Variants in EPM2A observed in about 807,000 individuals in gnomAD.
EPM2A encodes the protein laforin.
Under a neutral mutation model 26.5 loss-of-function variants are expected in EPM2A, and 21 were observed. That is an observed-to-expected ratio of 0.79 (90% CI 0.56 to 1.14). The LOEUF is 1.14. Among genes scored for constraint, EPM2A ranks in the 50% most tolerant of loss-of-function variants. The pLI, the probability that EPM2A is intolerant of heterozygous loss-of-function variation, is 0.00. For synonymous variants in EPM2A, 217 were observed against 177.6 expected, an observed-to-expected ratio of 1.22 and a Z score of -1.76; for missense variants, 458 against 440.8, an observed-to-expected ratio of 1.04 and a Z score of -0.35.
chr6:145,709,591 A>T (rs537380531), intron 1 of EPM2A, among the ~76,000 whole-genome samples: 1 of 152,314 alleles, frequency 6.6e-6, no homozygotes, highest in Admixed American at 6.5e-5. Context: ...TTTCTTTATA[A>T]ATTACCCAGT....
chr6:145,457,479 C>T (rs1446440560), intron 4 of EPM2A, among the ~76,000 whole-genome samples: 1 of 119,032 alleles, frequency 8.4e-6, no homozygotes, highest in Non-Finnish European at 1.7e-5. Context: ...GTGACTCTGT[C>T]TCAAAAAAAA....
intron 1 of EPM2A, among the ~76,000 whole-genome samples, chr6:145,722,287 T>G (rs1388866868): frequency 6.6e-6 from 1 of 152,136 alleles, no homozygotes; most frequent in Non-Finnish European, 1.5e-5. Flanking sequence ...ACACATTAAA[T>G]GAATATTTAT....
chr6:145,488,518 T>TGAGAGAGAGAGA (rs1434961412), intron 4 of EPM2A, among the ~76,000 whole-genome samples: 31 of 131,060 alleles, frequency 2.4e-4, no homozygotes, highest in African/African-American at 4.0e-4. Flanking sequence ...TGTGTGTGTG[T>TGAGAGAGAGAGA]GTGTGAGAGA....
chr6:145,642,817 A>T (rs373368907), intron 2 of EPM2A, among the ~76,000 whole-genome samples: 2 of 152,204 alleles, frequency 1.3e-5, no homozygotes, highest in African/African-American at 4.8e-5. Context: ...AAGAATATGG[A>T]ATGAGATAAA....
chr6:145,665,886 G>C (rs1046637968), intron 2 of EPM2A, among the ~76,000 whole-genome samples: 1 of 150,302 alleles, frequency 6.7e-6, no homozygotes, highest in Non-Finnish European at 1.5e-5. Flanking sequence ...ATGTAATCCA[G>C]CATATAAACA....
chr6:145,623,668 T>C (rs560792739), downstream of EPM2A, among the ~76,000 whole-genome samples: 50 of 152,294 alleles, frequency 3.3e-4, no homozygotes, highest in African/African-American at 1.1e-3. Context: ...CTGAGTTACA[T>C]TTTTATCAAA....
intron 4 of EPM2A, among the ~76,000 whole-genome samples, chr6:145,477,023 CT>C (rs1779551642): frequency 6.6e-6 from 1 of 151,382 alleles, no homozygotes; most frequent in Non-Finnish European, 1.5e-5. Context: ...TTCTTGAAAA[CT>C]TAAAGAAAAT....
At chr6:145,489,678 A>T in intron 4 of EPM2A, 2 of 1,367,622 alleles carry the variant, frequency 1.5e-6, no homozygotes, top group Non-Finnish European at 2.1e-6. Context: ...CTGCCTTTTC[A>T]GCTTCAGAAT....
chr6:145,481,362 G>A (rs943132050), intron 4 of EPM2A, among the ~76,000 whole-genome samples: 5 of 151,962 alleles, frequency 3.3e-5, no homozygotes, highest in Non-Finnish European at 5.9e-5. Context: ...AATTTATTCT[G>A]CCATACTGCC....
intron 1 of EPM2A, among the ~76,000 whole-genome samples, chr6:145,701,687 C>A (rs1179696471): frequency 6.6e-6 from 1 of 152,118 alleles, no homozygotes. Flanking sequence ...TGGAGAGAAA[C>A]AAATAATGGT....
intron 3 of EPM2A, chr6:145,634,651 T>C (rs1371151744): frequency 6.5e-6 from 1 of 153,056 alleles, no homozygotes; most frequent in Non-Finnish European, 1.5e-5. Context: ...CAAGCCACAT[T>C]GGTCTTTCAG....
chr6:145,433,598 G>T (rs560497518), intron 4 of EPM2A, among the ~76,000 whole-genome samples: 3 of 151,824 alleles, frequency 2.0e-5, no homozygotes, highest in Non-Finnish European at 4.4e-5. Context: ...TCTTTTTATA[G>T]TTTAAACCTC....
At chr6:145,591,183 A>G (rs1781268992) in intron 2 of EPM2A, among the ~76,000 whole-genome samples, 1 of 152,162 alleles carries the variant, frequency 6.6e-6, no homozygotes, top group Admixed American at 6.5e-5. Flanking sequence ...GAATAAAAAA[A>G]GAATAAGATG....
At chr6:145,418,883 T>G (rs1778743850) in intron 4 of EPM2A, among the ~76,000 whole-genome samples, 1 of 152,214 alleles carries the variant, frequency 6.6e-6, no homozygotes, top group Admixed American at 6.5e-5. Flanking sequence ...GTATGCTATG[T>G]AGTTAAAAAA....
At chr6:145,469,893 A>G (rs1779451215) in intron 4 of EPM2A, among the ~76,000 whole-genome samples, 1 of 152,178 alleles carries the variant, frequency 6.6e-6, no homozygotes, top group South Asian at 2.1e-4. Context: ...ACTTGAGATC[A>G]TTATGTTAAG....
At chr6:145,559,121 CT>C (rs1780771297) in intron 2 of EPM2A, among the ~76,000 whole-genome samples, 1 of 152,054 alleles carries the variant, frequency 6.6e-6, no homozygotes, top group Non-Finnish European at 1.5e-5. Flanking sequence ...TCATCAGTAA[CT>C]TTGTATAAAA....
chr6:145,462,936 A>G (rs926119016), intron 4 of EPM2A, among the ~76,000 whole-genome samples: 4 of 152,182 alleles, frequency 2.6e-5, no homozygotes, highest in Non-Finnish European at 4.4e-5. Flanking sequence ...TTTCTTTCCG[A>G]ATATTAAAAT....
intron 2 of EPM2A, among the ~76,000 whole-genome samples, chr6:145,619,512 T>C (rs1170784315): frequency 3.3e-5 from 5 of 152,200 alleles, no homozygotes; most frequent in African/African-American, 4.8e-5. Context: ...GAATACCTTA[T>C]GAGGGGATGC....
chr6:145,626,787 C>A lies in EPM2A; in HGVS notation c.*629G>T. ...TGGTAATTTTGAGGAAAAACAACAA[C>A]AAATGAGAGATAATTCTACTTTAGT... On this transcript the variant is annotated 3_prime_UTR_variant, in exon 4 of 4. Coordinates refer to ENST00000367519, the MANE Select transcript of EPM2A (RefSeq NM_005670.4). 1 of 985,396 alleles carries A rather than the reference C, an allele frequency of 1.0e-6. No individual in the cohort carries two copies. The allele number at this position is 985,396 out of a possible 1,614,324, so 61.0% of individuals were successfully genotyped here.
Sources: gnomAD v4.1 joint callset for allele counts (sites outside exome capture counted in the v4.1 genomes callset) on GRCh38, gnomAD v4.1.1 for gene constraint, MANE v1.5 for transcripts, NCBI Gene and HGNC (gene_info 2026-07-23, HGNC 2026-07-21) for gene names.